INTS6: variants seen among roughly 807,000 people sequenced by gnomAD.
INTS6 encodes DEAD box protein.
INTS6 carries 16 observed loss-of-function variants against 104.9 expected under a neutral mutation model. The observed-to-expected ratio is 0.15, with a 90% CI of 0.10 to 0.23. The LOEUF (loss-of-function observed/expected upper bound fraction) is 0.23, where lower values mean the gene tolerates loss of function less well. Ranked by LOEUF, INTS6 falls within the 10% of genes least tolerant of loss-of-function variation. The pLI, the probability that INTS6 is intolerant of heterozygous loss-of-function variation, is 1.00. For missense variants in INTS6, 584 were observed against 1,062.8 expected (o/e 0.55, Z 6.26); for synonymous variants, 324 against 358.7 (o/e 0.90, Z 1.09).
At chr13:51,368,599 C>T (rs1187958286) in intron 16 of INTS6, among the ~76,000 whole-genome samples, 4 of 152,138 alleles carry the variant, frequency 2.6e-5, no homozygotes, top group East Asian at 1.9e-4. Flanking sequence ...ACTTTACAGA[C>T]ATGAAGTCAT....
At chr13:51,438,403 T>C (rs1952733979) in intron 3 of INTS6, 1 of 151,162 alleles carries the variant, frequency 6.6e-6, no homozygotes. Flanking sequence ...AATAAACCAA[T>C]AGTTTTACCT....
At chr13:51,347,235 G>A in the INTS6 span, 1 of 1,612,642 alleles carries the variant, frequency 6.2e-7, no homozygotes, top group African/African-American at 1.3e-5. Flanking sequence ...GTCAACTACG[G>A]TGAGCTCTGC....
chr13:51,387,719 T>C (rs1202591420), intron 6 of INTS6, among the ~76,000 whole-genome samples, 179 bp from the exon 7 acceptor site: 1 of 152,222 alleles, frequency 6.6e-6, no homozygotes, highest in Non-Finnish European at 1.5e-5. Flanking sequence ...GACTAGATTG[T>C]AATTCATTAG....
intron 3 of INTS6, chr13:51,449,012 T>C (rs949098272): frequency 2.6e-5 from 4 of 152,200 alleles, no homozygotes; most frequent in Non-Finnish European, 5.9e-5. Flanking sequence ...ATCCTTGTTG[T>C]GAATAGAAAA....
rs751913677 is a variant in INTS6 at position 51,452,842 on chromosome 13, C to CCCTG, written c.-321_-318dup. ...CGGGGGTCCCGTCCCCGCTCCCGGCCCCTGTGTGTGTCCCAGCGGGAGACG... is the reference window on the plus strand; with the variant it reads ...CGGGGGTCCCGTCCCCGCTCCCGGCCCCTGCCTGTGTGTGTCCCAGCGGGAGACG... On this transcript the variant is annotated 5_prime_UTR_variant, in exon 1 of 18. Coordinates refer to ENST00000311234, the MANE Select transcript of INTS6 (RefSeq NM_012141.3). The surrounding 1 kb of genome is among the most constrained non-coding windows in gnomAD (Gnocchi z 4.2). 2.8e-5 allele frequency: 32 copies of CCCTG among 1,158,140 alleles called. No individual in the cohort carries two copies. In the Admixed American group the frequency reaches 6.4e-4, roughly 23 times the overall value. The allele number at this position is 1,158,140 out of a possible 1,614,324, so 71.7% of individuals were successfully genotyped here. A position where few individuals can be genotyped will look rare whatever the true frequency, so the allele number is the denominator to read the frequency against.
intron 10 of INTS6, among the ~76,000 whole-genome samples, chr13:51,380,754 T>C (rs1293791278): frequency 6.6e-6 from 1 of 152,210 alleles, no homozygotes; most frequent in Non-Finnish European, 1.5e-5. Context: ...TTTCACAAAC[T>C]AAATCATGTA....
the INTS6 span, chr13:51,344,538 A>G: frequency 1.4e-6 from 2 of 1,397,932 alleles, no homozygotes; most frequent in South Asian, 2.5e-5. Flanking sequence ...CTGCAGAGAC[A>G]GAGTCTCACC....
chr13:51,344,203 C>G, the INTS6 span: 14 of 1,390,988 alleles, frequency 1.0e-5, no homozygotes, highest in East Asian at 2.8e-4. Context: ...TGTGCTAACT[C>G]CTTACTCACA....
chr13:51,382,250 A>T, intron 9 of INTS6, 127 bp from the exon 10 acceptor site: 1 of 485,950 alleles, frequency 2.1e-6, no homozygotes, highest in Non-Finnish European at 3.6e-6. Flanking sequence ...GACGTTTTTT[A>T]ACATGAAAGT....
chr13:51,340,237 T>C, the INTS6 span, among the ~76,000 whole-genome samples: 1 of 152,204 alleles, frequency 6.6e-6, no homozygotes, highest in East Asian at 1.9e-4. Context: ...CAAAAACTGC[T>C]GCTGGCTGGA....
chr13:51,372,286 C>T (rs1196780487), intron 15 of INTS6, among the ~76,000 whole-genome samples: 2 of 151,106 alleles, frequency 1.3e-5, no homozygotes, highest in African/African-American at 4.9e-5. Flanking sequence ...AGAATCTTTC[C>T]ATTTCTCTTG....
At position 51,361,582 on chromosome 13, in the gene INTS6, T is replaced by G; in HGVS notation, c.*4170A>C. ...CATAAAAATAATTCTGAAAGTTACC[T>G]TCAATAAGGAATTTATTCCATGGAA... On this transcript the variant is annotated 3_prime_UTR_variant, in exon 18 of 18. Coordinates refer to ENST00000311234, the MANE Select transcript of INTS6 (RefSeq NM_012141.3). The G allele has an allele frequency of 1.7e-6, 1 of 583,882 alleles. No homozygotes were observed. The highest frequency in any genetic ancestry group is 2.4e-5 in the South Asian group (1 of 42,244). 36.2% of individuals were successfully genotyped at this position (583,882 alleles called of 1,614,324 possible).
At chr13:51,388,173 A>T (rs1251845812) in intron 6 of INTS6, among the ~76,000 whole-genome samples, 1 of 152,006 alleles carries the variant, frequency 6.6e-6, no homozygotes, top group Non-Finnish European at 1.5e-5. Context: ...AACAATTAAA[A>T]TTTTTTTAAG....
chr13:51,381,026 T>C (rs1956039163), intron 10 of INTS6, among the ~76,000 whole-genome samples: 1 of 152,226 alleles, frequency 6.6e-6, no homozygotes. Flanking sequence ...AATGGATCGT[T>C]GCATCTGTAC....
intron 3 of INTS6, chr13:51,440,439 T>C (rs541585626): frequency 6.6e-6 from 1 of 152,020 alleles, no homozygotes; most frequent in East Asian, 1.9e-4. Flanking sequence ...TTGGAGAAAA[T>C]TTTTTAATAA....
intron 3 of INTS6, among the ~76,000 whole-genome samples, chr13:51,431,767 ATAAACT>A (rs1957095068): frequency 6.6e-6 from 1 of 152,176 alleles, no homozygotes; most frequent in Non-Finnish European, 1.5e-5. Context: ...CTTTGGTTAA[ATAAACT>A]TAAAATATGT....
chr13:51,350,079 A>T (rs1206990772), downstream of INTS6, among the ~76,000 whole-genome samples: 1 of 152,166 alleles, frequency 6.6e-6, no homozygotes. Flanking sequence ...CAAATCACTC[A>T]TTCTTCTTTT....
chr13:51,450,863 A>G (rs1953027813), intron 3 of INTS6, 162 bp downstream of exon 3: 1 of 1,242,096 alleles, frequency 8.1e-7, no homozygotes, highest in Non-Finnish European at 1.0e-6. Context: ...GATGTAAAAT[A>G]TATATAGTAG....
At chr13:51,389,285 G>C in intron 6 of INTS6, 34 bp downstream of exon 6, 1 of 1,599,774 alleles carries the variant, frequency 6.3e-7, no homozygotes, top group Non-Finnish European at 8.5e-7. Context: ...AATAAAGCAA[G>C]TTTTGAATGT....
Sources: gnomAD v4.1 joint callset for allele counts (sites outside exome capture counted in the v4.1 genomes callset) on GRCh38, gnomAD v4.1.1 for gene constraint, Gnocchi (gnomAD v3.1) non-coding constraint, MANE v1.5 for transcripts, NCBI Gene and HGNC (gene_info 2026-07-23, HGNC 2026-07-21) for gene names.